Variants in CACNA1B observed in about 807,000 individuals in gnomAD.
The protein encoded by CACNA1B is voltage-dependent N-type calcium channel subunit alpha-1B.
In CACNA1B, 70 loss-of-function variants were observed where a neutral mutation model predicts 247.2. The observed-to-expected ratio is 0.28, with a 90% confidence interval of 0.23 to 0.35. The LOEUF (loss-of-function observed/expected upper bound fraction) is 0.35. Among genes scored for constraint, CACNA1B ranks in the 10% least tolerant of loss-of-function variants. The pLI, the probability that CACNA1B is intolerant of heterozygous loss-of-function variation, is 1.00. For missense variants in CACNA1B, 2,367 were observed against 3,197.4 expected (o/e 0.74, Z 6.26); for synonymous variants, 1,231 against 1,294.4 (o/e 0.95, Z 1.05).
At chr9:137,949,047 TGTG>T (rs1225046712) in intron 6 of CACNA1B, among the ~76,000 whole-genome samples, 6 of 133,294 alleles carry the variant, frequency 4.5e-5, no homozygotes, top group African/African-American at 1.1e-4. Context: ...GTGGTGTGTG[TGTG>T]GGTGTGAAGT....
In CACNA1B at chr9:137,899,599, G is replaced by A. The variant is rs1489873221; in HGVS notation, c.531-13581G>A. Among the ~76,000 whole-genome samples the A allele has an allele frequency of 6.6e-6, 1 of 152,210 alleles. No individual in the cohort carries two copies. Among genetic ancestry groups the A allele is most frequent in the Admixed American group, 6.5e-5 (1 of 15,290 alleles). On this transcript the variant is annotated intron_variant, in intron 3 of 46. Transcript: ENST00000371372. The surrounding 1 kb of genome is among the most constrained non-coding windows in gnomAD (Gnocchi z 5.0). ...TTGGCCTGTTAGAGCAGGGACTGGG[G>A]TGGGGAGGCCGAGGGGATGCTGTGG...
rs145932172 is a variant in CACNA1B at position 138,052,934 on chromosome 9, C to A, written c.3807+746C>A. ...TTGTGGCCCCACCTTCCCGTCACAGCTAGATCAGAGCAGCCTGTGAGGTGT... is the reference window on the plus strand; with the variant it reads ...TTGTGGCCCCACCTTCCCGTCACAGATAGATCAGAGCAGCCTGTGAGGTGT... On this transcript the variant is annotated intron_variant, in intron 25 of 46. Transcript: ENST00000371372. This position sits in a 1 kb window ranked among gnomAD's most constrained non-coding sequence, Gnocchi z 5.1. Among the ~76,000 whole-genome samples, 1 of 152,328 alleles carries A rather than the reference C, an allele frequency of 6.6e-6. No homozygotes were observed. Among genetic ancestry groups the A allele is most frequent in the East Asian group, 1.9e-4 (1 of 5,162 alleles).
chr9:137,960,282 G>A (rs892015313), intron 10 of CACNA1B, among the ~76,000 whole-genome samples: 2 of 151,124 alleles, frequency 1.3e-5, no homozygotes, highest in South Asian at 4.2e-4. Flanking sequence ...AGGGAGGTCC[G>A]GGGAGAGGGG....
At position 137,906,618 on chromosome 9, in the gene CACNA1B, T is replaced by C. The variant is rs572875317; in HGVS notation, c.531-6562T>C. On this transcript the variant is annotated intron_variant, in intron 3 of 46. Transcript: ENST00000371372. Reference sequence around the variant, plus strand: ...TCCCTGTGTGATGTCTTAACATACATGTTCCCCTGTATGCCCATGTGATGT... The same window carrying C: ...TCCCTGTGTGATGTCTTAACATACACGTTCCCCTGTATGCCCATGTGATGT... Among the ~76,000 whole-genome samples the C allele has an allele frequency of 4.6e-5, 7 of 152,320 alleles. No individual in the cohort carries two copies. The East Asian group carries it at 1.3e-3, about 29-fold the overall frequency.
intron 10 of CACNA1B, among the ~76,000 whole-genome samples, chr9:137,960,442 GAGGGGA>G (rs1958006045): frequency 2.8e-5 from 1 of 36,312 alleles, no homozygotes; most frequent in Non-Finnish European, 4.5e-5. Context: ...GACGGAGGGG[GAGGGGA>G]GGTCGGCCTG....
At chr9:138,112,991 G>C (rs1439759273) in intron 40 of CACNA1B, among the ~76,000 whole-genome samples, 1 of 146,570 alleles carries the variant, frequency 6.8e-6, no homozygotes, top group Non-Finnish European at 1.5e-5. Context: ...ACTGCATCTC[G>C]TGGGAGACGT....
At chr9:138,049,998 T>C in intron 24 of CACNA1B, 1 of 1,087,228 alleles carries the variant, frequency 9.2e-7, no homozygotes, top group Non-Finnish European at 1.2e-6. Context: ...GGTCCACATC[T>C]CTCTGAGCGG....
rs959684717 is a variant in CACNA1B, at chr9:138,112,525, A to G, written c.5536+20A>G. 8 of 1,471,980 alleles carry G rather than the reference A, an allele frequency of 5.4e-6. No homozygotes were observed. Among genetic ancestry groups the G allele is most frequent in the Non-Finnish European group, 7.6e-6 (8 of 1,050,496 alleles). The allele number at this position is 1,471,980 out of a possible 1,614,324, so 91.2% of individuals were successfully genotyped here. On this transcript the variant is annotated intron_variant, in intron 40 of 46. Transcript: ENST00000371372. ...ATAAGCGTAAGTGTGAGGGTGAGAA[A>G]TGCCCCCAGCCCCCACCTTTACTGT...
In CACNA1B at chr9:138,078,763, T is replaced by C. The variant is rs138030802; in HGVS notation, c.5094+505T>C. 1.8e-3 allele frequency among the ~76,000 whole-genome samples: 272 copies of C among 152,242 alleles called. 2 individuals are homozygous for C. Among genetic ancestry groups the C allele is most frequent in the Middle Eastern group, 0.01 (3 of 294 alleles). On this transcript the variant is annotated intron_variant, in intron 36 of 46. Transcript: ENST00000371372. ...GCTGCAGAGCGAGTGAGGAGACGAC[T>C]GGGGGCAACAGTGGCCTGGAGAAAG...
At chr9:138,109,101 C>T (rs1564290360) in intron 39 of CACNA1B, among the ~76,000 whole-genome samples, 1 of 152,164 alleles carries the variant, frequency 6.6e-6, no homozygotes, top group Non-Finnish European at 1.5e-5. Context: ...AAGCATTTGA[C>T]AAAATTCAAC....
Position 138,050,171 on chromosome 9 carries a change from C to G in CACNA1B, c.3710+856C>G. The G allele has an allele frequency of 1.0e-6, 1 of 1,001,602 alleles. No homozygotes were observed. Among genetic ancestry groups the G allele is most frequent in the South Asian group, 1.3e-5 (1 of 75,294 alleles). 62.0% of individuals were successfully genotyped at this position (1,001,602 alleles called of 1,614,324 possible). On this transcript the variant is annotated intron_variant, in intron 24 of 46. Transcript: ENST00000371372. This position sits in a 1 kb window ranked among gnomAD's most constrained non-coding sequence, Gnocchi z 5.2. Reference sequence around the variant, plus strand: ...TTGGGTCATTTCATCTCCAGCCTCACCCCCCGCCCATCCACTTTCACCCCA... The same window carrying G: ...TTGGGTCATTTCATCTCCAGCCTCAGCCCCCGCCCATCCACTTTCACCCCA...
chr9:137,954,899 AGAGGGG>A lies in CACNA1B; in HGVS notation c.1071-795_1071-790del, dbSNP rs1413092359. Among the ~76,000 whole-genome samples, 54 of 114,180 alleles carry A rather than the reference AGAGGGG, an allele frequency of 4.7e-4. 1 individual carries two copies. Among genetic ancestry groups the A allele is most frequent in the African/African-American group, 2.4e-3 (53 of 22,550 alleles). 74.9% of individuals were successfully genotyped at this position (114,180 alleles called of 152,430 possible). ...GTGTGTGAGAGAGAGAGAGAGAGAG[AGAGGGG>A]GAGAGAGAGAGAGAGAGAATGGCTT... On this transcript the variant is annotated intron_variant, in intron 7 of 46. Transcript: ENST00000371372. This position sits in a 1 kb window ranked among gnomAD's most constrained non-coding sequence, Gnocchi z 4.1.
At chr9:138,005,475 G>A (rs1002764229) in intron 15 of CACNA1B, among the ~76,000 whole-genome samples, 16 of 152,222 alleles carry the variant, frequency 1.1e-4, no homozygotes, top group African/African-American at 3.9e-4. Flanking sequence ...AGGAAGAGGG[G>A]ATGAAAAGAG....
At chr9:137,939,847 T>TAAATA (rs1224121843) in intron 6 of CACNA1B, among the ~76,000 whole-genome samples, 1 of 95,002 alleles carries the variant, frequency 1.1e-5, no homozygotes, top group Non-Finnish European at 2.1e-5. Flanking sequence ...AATAAATAAA[T>TAAATA]AAAAAAAAAT....
intron 35 of CACNA1B, 48 bp from the exon 36 acceptor site, chr9:138,078,066 C>A (rs200988166): frequency 1.3e-6 from 2 of 1,582,418 alleles, no homozygotes; most frequent in Non-Finnish European, 8.6e-7. Context: ...AGGGCTCGGG[C>A]TCCCTCAAGG....
rs562435147 is a variant in CACNA1B at position 138,120,679 on chromosome 9, C to G, written c.6287C>G (p.Thr2096Arg). 43 of 1,515,916 alleles carry G rather than the reference C, an allele frequency of 2.8e-5. 1 individual carries two copies. The South Asian group carries it at 5.5e-4, about 19-fold the overall frequency. The allele number at this position is 1,515,916 out of a possible 1,614,324, so 93.9% of individuals were successfully genotyped here. Residue 2096 changes from threonine to arginine, a missense_variant, in exon 46 of 47, where the codon ACA becomes AGA. Thr to Arg is a moderately conservative substitution (Grantham distance 71). This residue lies in a region of CACNA1B where 773 missense variants were observed against 779.4 expected (regional missense o/e 0.99). Transcript: ENST00000371372. ...GPGLPPGEGPTGCRRERERRQ... is the reference protein window; with the variant it reads ...GPGLPPGEGPRGCRRERERRQ... ...GGGCTGCCCCCGGGAGAGGGGCCTACAGGCTGCCGGCGGGAACGAGAGCGC... is the reference window on the plus strand; with the variant it reads ...GGGCTGCCCCCGGGAGAGGGGCCTAGAGGCTGCCGGCGGGAACGAGAGCGC...
At position 137,990,914 on chromosome 9, in the gene CACNA1B, A is replaced by G. The variant is rs774147150; in HGVS notation, c.1974+4060A>G. On this transcript the variant is annotated intron_variant, in intron 15 of 46. Transcript: ENST00000371372. The surrounding 1 kb of genome is among the most constrained non-coding windows in gnomAD (Gnocchi z 4.5). ...CCTCAGGGCAGGGGGAGAACACCAC[A>G]TCAAGGGAGCACCCCCAAGATAAGA... 6.6e-6 allele frequency among the ~76,000 whole-genome samples: 1 copy of G among 152,310 alleles called. No individual in the cohort carries two copies. The highest frequency in any genetic ancestry group is 1.9e-4 in the East Asian group (1 of 5,178).
At position 138,057,004 on chromosome 9, in the gene CACNA1B, C is replaced by T. The variant is rs1293100598; in HGVS notation, c.3969-728C>T. Among the ~76,000 whole-genome samples the T allele has an allele frequency of 2.8e-5, 4 of 140,946 alleles. No individual in the cohort carries two copies. In the South Asian group the frequency reaches 6.8e-4, roughly 24 times the overall value. 92.5% of individuals were successfully genotyped at this position (140,946 alleles called of 152,430 possible). A position where few individuals can be genotyped will look rare whatever the true frequency, so the allele number is the denominator to read the frequency against. ...AGGCTGGAGTGCAGTGGCGCGATCT[C>T]GGCTCACTGCAGGCTCCACCTCCCG... On this transcript the variant is annotated intron_variant, in intron 26 of 46. Coordinates refer to ENST00000371372, the MANE Select transcript of CACNA1B (RefSeq NM_000718.4). The surrounding 1 kb of genome is among the most constrained non-coding windows in gnomAD (Gnocchi z 4.0).
intron 9 of CACNA1B, 141 bp downstream of exon 9, chr9:137,956,968 C>T: frequency 1.5e-6 from 1 of 685,626 alleles, no homozygotes; most frequent in Non-Finnish European, 2.6e-6. Flanking sequence ...TGAACACAGA[C>T]TAGGGCCATG....
Sources: allele counts gnomAD v4.1 joint callset (sites outside exome capture counted in the v4.1 genomes callset), GRCh38; gene constraint gnomAD v4.1.1; regional missense constraint gnomAD v4.1.1; non-coding constraint Gnocchi (gnomAD v3.1); transcripts MANE v1.5; gene names NCBI Gene and HGNC (gene_info 2026-07-23, HGNC 2026-07-21).